Variants in CNTN1 observed in about 807,000 individuals in gnomAD.
The protein encoded by CNTN1 is contactin 1, also known as contactin-1.
CNTN1 carries 38 observed loss-of-function variants against 126.4 expected under a neutral mutation model. That is an observed-to-expected ratio of 0.30 (90% CI 0.23 to 0.39). The LOEUF is 0.39. Ranked by LOEUF, CNTN1 falls within the 10% of genes least tolerant of loss-of-function variation. The pLI, the probability that CNTN1 is intolerant of heterozygous loss-of-function variation, is 1.00. For missense variants in CNTN1, 1,009 were observed against 1,248.4 expected (o/e 0.81, Z 2.89); for synonymous variants, 413 against 422.6 (o/e 0.98, Z 0.28).
chr12:40,741,514 ATTTAAC>A (rs1481953381), intron 1 of CNTN1, among the ~76,000 whole-genome samples: 1 of 152,130 alleles, frequency 6.6e-6, no homozygotes, highest in Non-Finnish European at 1.5e-5. Flanking sequence ...TAATCTGATC[ATTTAAC>A]TTTAATTACA....
chr12:40,798,355 A>G (rs755515281), intron 1 of CNTN1, among the ~76,000 whole-genome samples: 1 of 152,002 alleles, frequency 6.6e-6, no homozygotes, highest in Non-Finnish European at 1.5e-5. Context: ...GTTTTCCTAT[A>G]CTTACTGTAC....
chr12:40,761,627 G>A (rs1938869562), intron 1 of CNTN1, among the ~76,000 whole-genome samples: 1 of 151,958 alleles, frequency 6.6e-6, no homozygotes, highest in Non-Finnish European at 1.5e-5. Context: ...TTGCTTGTAT[G>A]AGTATTTATA....
chr12:40,743,805 T>A (rs1380541648), intron 1 of CNTN1, among the ~76,000 whole-genome samples: 1 of 152,156 alleles, frequency 6.6e-6, no homozygotes, highest in African/African-American at 2.4e-5. Flanking sequence ...GTCCCATTTA[T>A]TAATTTTTGC....
chr12:40,888,582 G>T (rs113149805), intron 1 of CNTN1, among the ~76,000 whole-genome samples: 1 of 151,952 alleles, frequency 6.6e-6, no homozygotes, highest in Non-Finnish European at 1.5e-5. Flanking sequence ...TTAGACTCCC[G>T]ATTACAACGT....
At chr12:40,949,107 A>T (rs1158408819) in intron 14 of CNTN1, among the ~76,000 whole-genome samples, 3 of 152,196 alleles carry the variant, frequency 2.0e-5, no homozygotes, top group Non-Finnish European at 4.4e-5. Context: ...ATATGTATTT[A>T]AAACTAGATC....
chr12:40,755,431 G>GA (rs1242441511), intron 1 of CNTN1, among the ~76,000 whole-genome samples: 1 of 3,812 alleles, frequency 2.6e-4, no homozygotes, highest in Non-Finnish European at 0.019. Flanking sequence ...AGAAGAAAAA[G>GA]AGCTGGGCAA....
chr12:40,741,987 C>T (rs891015104), intron 1 of CNTN1, among the ~76,000 whole-genome samples: 1 of 151,910 alleles, frequency 6.6e-6, no homozygotes, highest in Non-Finnish European at 1.5e-5. Context: ...GGGAAAAAGT[C>T]TAAGCTTTCA....
intron 1 of CNTN1, among the ~76,000 whole-genome samples, chr12:40,743,091 G>A (rs898496169): frequency 1.3e-5 from 2 of 152,080 alleles, no homozygotes; most frequent in South Asian, 2.1e-4. Flanking sequence ...AAGAAGAAAT[G>A]TCTGAGTCTT....
In CNTN1 at chr12:41,061,849, C is replaced by CTAAA; in HGVS notation, c.2981-8109_2981-8106dup. ...TCTTGAGCCCAAATATTCTCTGTTG[C>CTAAA]TAAAGTTATATAACTAGCTATTGAC... On this transcript the variant is annotated intron_variant, in intron 23 of 23. Coordinates refer to ENST00000551295, the MANE Select transcript of CNTN1 (RefSeq NM_001843.4). The CTAAA allele has an allele frequency of 6.6e-6, 3 of 455,404 alleles. No individual in the cohort carries two copies. In the Admixed American group the frequency reaches 7.1e-5, roughly 11 times the overall value. The allele number at this position is 455,404 out of a possible 1,614,324, so 28.2% of individuals were successfully genotyped here.
chr12:40,937,451 T>C (rs1375520779), intron 10 of CNTN1, 119 bp from the exon 11 acceptor site: 2 of 734,760 alleles, frequency 2.7e-6, no homozygotes, highest in African/African-American at 3.5e-5. Flanking sequence ...TCATCTTAGG[T>C]AACAGTGGGG....
chr12:40,696,588 C>T (rs1009310547), intron 1 of CNTN1, among the ~76,000 whole-genome samples: 1 of 152,154 alleles, frequency 6.6e-6, no homozygotes, highest in Admixed American at 6.5e-5. Context: ...TCTTAAAAAG[C>T]ACTGATTTTG....
At chr12:40,813,453 T>C (rs1941158886) in intron 1 of CNTN1, among the ~76,000 whole-genome samples, 2 of 152,106 alleles carry the variant, frequency 1.3e-5, no homozygotes, top group African/African-American at 4.8e-5. Flanking sequence ...TGTTTAGTTT[T>C]CTGTTCCTGG....
chr12:40,910,685 T>C (rs1433419152), intron 3 of CNTN1, among the ~76,000 whole-genome samples: 1 of 152,216 alleles, frequency 6.6e-6, no homozygotes, highest in East Asian at 1.9e-4. Context: ...ACTAGATGAT[T>C]TTATTATCTT....
chr12:41,062,360 G>T (rs1949953728), intron 23 of CNTN1, among the ~76,000 whole-genome samples: 1 of 152,176 alleles, frequency 6.6e-6, no homozygotes, highest in South Asian at 2.1e-4. Flanking sequence ...TAACCTCACT[G>T]AATTACAGCA....
chr12:40,922,528 G>A (rs1945481632), intron 5 of CNTN1, 100 bp downstream of exon 5: 6 of 1,108,448 alleles, frequency 5.4e-6, no homozygotes, highest in Non-Finnish European at 8.1e-6. Context: ...CATCATAGAT[G>A]AGGTGGATCT....
intron 1 of CNTN1, among the ~76,000 whole-genome samples, chr12:40,821,231 C>T (rs1941431506): frequency 6.6e-6 from 1 of 152,128 alleles, no homozygotes; most frequent in Non-Finnish European, 1.5e-5. Context: ...ATTTTAAAAG[C>T]TCTTCCTTAA....
intron 1 of CNTN1, among the ~76,000 whole-genome samples, chr12:40,823,616 A>G (rs895961536): frequency 6.6e-6 from 1 of 152,170 alleles, no homozygotes; most frequent in Non-Finnish European, 1.5e-5. Context: ...TATGTCAAAT[A>G]TTAACAGAAG....
intron 1 of CNTN1, among the ~76,000 whole-genome samples, chr12:40,751,261 G>C (rs1938395827): frequency 6.6e-6 from 1 of 151,984 alleles, no homozygotes; most frequent in African/African-American, 2.4e-5. Flanking sequence ...GACTATGAGA[G>C]TGAAATGAAA....
chr12:40,748,637 A>G (rs1012891744), intron 1 of CNTN1, among the ~76,000 whole-genome samples: 2 of 152,118 alleles, frequency 1.3e-5, no homozygotes, highest in Admixed American at 6.6e-5. Context: ...ACTTTATTTA[A>G]ATAGAACTTT....
Sources: gnomAD v4.1 joint callset for allele counts (sites outside exome capture counted in the v4.1 genomes callset) on GRCh38, gnomAD v4.1.1 for gene constraint, MANE v1.5 for transcripts, NCBI Gene and HGNC (gene_info 2026-07-23, HGNC 2026-07-21) for gene names.